NXPH1: variants seen among roughly 807,000 people sequenced by gnomAD.
The protein encoded by NXPH1 is neurexophilin-1.
A neutral mutation model predicts 23.7 loss-of-function variants in NXPH1; 5 were observed. That is an observed-to-expected ratio of 0.21 (90% CI 0.11 to 0.44). The LOEUF (loss-of-function observed/expected upper bound fraction) is 0.44, where lower values mean the gene tolerates loss of function less well. Ranked by LOEUF, NXPH1 falls within the 20% of genes least tolerant of loss-of-function variation. NXPH1 has a pLI of 0.99. For missense variants in NXPH1, 324 were observed against 321.6 expected, an observed-to-expected ratio of 1.01 and a Z score of -0.06; for synonymous variants, 144 against 122.2, an observed-to-expected ratio of 1.18 and a Z score of -1.18.
intron 2 of NXPH1, among the ~76,000 whole-genome samples, chr7:8,696,061 A>C (rs1779497466): frequency 6.6e-6 from 1 of 152,222 alleles, no homozygotes; most frequent in South Asian, 2.1e-4. Context: ...TGTGCACTGT[A>C]ACTTGTATAT....
chr7:8,741,550 T>C (rs886831998), intron 2 of NXPH1, among the ~76,000 whole-genome samples: 16 of 152,164 alleles, frequency 1.1e-4, no homozygotes, highest in African/African-American at 3.9e-4. Flanking sequence ...TTTCTCCACA[T>C]CGTGTTCAGC....
At chr7:8,556,370 C>T (rs1198368319) in intron 2 of NXPH1, among the ~76,000 whole-genome samples, 1 of 151,712 alleles carries the variant, frequency 6.6e-6, no homozygotes, top group African/African-American at 2.4e-5. Context: ...TCTACTGAGT[C>T]TGGAGCATCT....
chr7:8,692,053 T>C (rs552694830), intron 2 of NXPH1, among the ~76,000 whole-genome samples: 3 of 151,968 alleles, frequency 2.0e-5, no homozygotes, highest in Admixed American at 2.0e-4. Flanking sequence ...AGAACCAGCT[T>C]GGCAGGTTCT....
intron 2 of NXPH1, among the ~76,000 whole-genome samples, chr7:8,717,636 C>G (rs1779898498): frequency 1.3e-5 from 2 of 152,100 alleles, no homozygotes; most frequent in Non-Finnish European, 1.5e-5. Context: ...CCACAAGGCA[C>G]TGGAATGAAA....
Position 8,435,580 on chromosome 7 carries a change from A to T in NXPH1, c.-110-24A>T. 2.6e-6 allele frequency: 2 copies of T among 774,802 alleles called. No individual in the cohort carries two copies. The highest frequency in any genetic ancestry group is 4.6e-6 in the Non-Finnish European group (2 of 438,952). The allele number at this position is 774,802 out of a possible 1,614,324, so 48.0% of individuals were successfully genotyped here. On this transcript the variant is annotated intron_variant, in intron 1 of 2. Coordinates refer to ENST00000405863, the MANE Select transcript of NXPH1 (RefSeq NM_152745.3). The surrounding 1 kb of genome is among the most constrained non-coding windows in gnomAD (Gnocchi z 5.9). ...CTAACCTTGCCCGCGTAGTCATGGGATGTCTAATTTTATTTGCATCTAGGC... is the reference window on the plus strand; with the variant it reads ...CTAACCTTGCCCGCGTAGTCATGGGTTGTCTAATTTTATTTGCATCTAGGC...
At chr7:8,527,996 A>G (rs1024519804) in intron 2 of NXPH1, among the ~76,000 whole-genome samples, 2 of 152,108 alleles carry the variant, frequency 1.3e-5, no homozygotes, top group African/African-American at 4.8e-5. Flanking sequence ...TCTGTAGACT[A>G]TTTTCTTCGT....
At chr7:8,623,506 A>G (rs2115126315) in intron 2 of NXPH1, among the ~76,000 whole-genome samples, 1 of 152,174 alleles carries the variant, frequency 6.6e-6, no homozygotes, top group Non-Finnish European at 1.5e-5. Context: ...GAAACAGAGT[A>G]ATTAACTACA....
chr7:8,732,560 T>C (rs1780176613), intron 2 of NXPH1, among the ~76,000 whole-genome samples: 1 of 152,220 alleles, frequency 6.6e-6, no homozygotes, highest in African/African-American at 2.4e-5. Flanking sequence ...ACTGACAAAA[T>C]GAAATCGTTT....
At chr7:8,625,368 C>A (rs554387553) in intron 2 of NXPH1, among the ~76,000 whole-genome samples, 1 of 152,108 alleles carries the variant, frequency 6.6e-6, no homozygotes, top group Non-Finnish European at 1.5e-5. Flanking sequence ...AAGATCAACT[C>A]AAATTCTGAA....
chr7:8,478,139 A>G (rs1391382566), intron 2 of NXPH1, among the ~76,000 whole-genome samples: 1 of 152,098 alleles, frequency 6.6e-6, no homozygotes, highest in Non-Finnish European at 1.5e-5. Flanking sequence ...ATTACCTTGC[A>G]TGAGAACTTG....
chr7:8,471,928 T>A lies in NXPH1; in HGVS notation c.54+36161T>A, dbSNP rs78063406. 7.0e-3 allele frequency among the ~76,000 whole-genome samples: 1,058 copies of A among 152,118 alleles called. 11 individuals carry two copies. Among genetic ancestry groups the A allele is most frequent in the African/African-American group, 0.024 (1,015 of 41,538 alleles). On this transcript the variant is annotated intron_variant, in intron 2 of 2. Transcript: ENST00000405863. ...ATAAAGCTAACATTGATATTTTTCC[T>A]GAGAGAGACATTACGGGTAATTTTA...
intron 2 of NXPH1, among the ~76,000 whole-genome samples, chr7:8,572,683 A>G (rs1351281283): frequency 6.6e-6 from 1 of 152,062 alleles, no homozygotes; most frequent in East Asian, 1.9e-4. Context: ...GGTAGCATCT[A>G]ATACATAATG....
intron 2 of NXPH1, among the ~76,000 whole-genome samples, chr7:8,516,392 T>G (rs969145417): frequency 6.6e-6 from 1 of 152,178 alleles, no homozygotes; most frequent in Non-Finnish European, 1.5e-5. Flanking sequence ...AATATTTGTT[T>G]CGTTGTCTAC....
chr7:8,570,989 G>A (rs952981718), intron 2 of NXPH1, among the ~76,000 whole-genome samples: 2 of 151,192 alleles, frequency 1.3e-5, no homozygotes, highest in African/African-American at 4.9e-5. Context: ...AACAGAATCA[G>A]TATATATATG....
intron 2 of NXPH1, among the ~76,000 whole-genome samples, chr7:8,471,197 A>G (rs557202466): frequency 1.4e-4 from 22 of 152,232 alleles, no homozygotes; most frequent in Non-Finnish European, 1.9e-4. Context: ...TAAAGAAAAC[A>G]ATGGGATGTG....
chr7:8,719,544 A>G (rs995751557), intron 2 of NXPH1, among the ~76,000 whole-genome samples: 3 of 152,228 alleles, frequency 2.0e-5, no homozygotes, highest in Admixed American at 6.5e-5. Context: ...AAGTAGGATT[A>G]TTAATGAAAA....
intron 2 of NXPH1, among the ~76,000 whole-genome samples, chr7:8,441,255 C>A (rs1270647874): frequency 6.6e-6 from 1 of 152,094 alleles, no homozygotes; most frequent in Non-Finnish European, 1.5e-5. Flanking sequence ...CTCTCGCCTC[C>A]CTCTGCATTC....
chr7:8,661,666 A>T (rs1820676115), intron 2 of NXPH1, among the ~76,000 whole-genome samples: 1 of 152,186 alleles, frequency 6.6e-6, no homozygotes, highest in South Asian at 2.1e-4. Context: ...CAAAAATGTA[A>T]GCGAAATTTA....
intron 2 of NXPH1, among the ~76,000 whole-genome samples, chr7:8,711,641 C>T (rs771285187): frequency 3.9e-5 from 6 of 152,068 alleles, no homozygotes; most frequent in Admixed American, 6.6e-5. Context: ...GGGAAGAAAG[C>T]TATCACTTGG....
Sources: gnomAD v4.1 joint callset for allele counts (sites outside exome capture counted in the v4.1 genomes callset) on GRCh38, gnomAD v4.1.1 for gene constraint, Gnocchi (gnomAD v3.1) non-coding constraint, MANE v1.5 for transcripts, NCBI Gene and HGNC (gene_info 2026-07-23, HGNC 2026-07-21) for gene names.